ANO2: variants seen among roughly 807,000 people sequenced by gnomAD.
ANO2 encodes anoctamin-2.
In ANO2, 101 loss-of-function variants were observed where a neutral mutation model predicts 124.2. That is an observed-to-expected ratio of 0.81 (90% CI 0.69 to 0.96). ANO2 has a LOEUF of 0.96. Among genes scored for constraint, ANO2 ranks in the 40% least tolerant of loss-of-function variants. The pLI, the probability that ANO2 is intolerant of heterozygous loss-of-function variation, is 0.00. For missense variants in ANO2, 1,293 were observed against 1,274.5 expected (o/e 1.01, Z -0.22); for synonymous variants, 486 against 482.5 (o/e 1.01, Z -0.09).
At chr12:5,776,154 C>T (rs2159952) in intron 10 of ANO2, among the ~76,000 whole-genome samples, 69,051 of 152,028 alleles carry the variant, frequency 0.45, 17,361 homozygotes, top group African/African-American at 0.68. Context: ...ATTCTAGGAC[C>T]TACTTCTGAT....
At chr12:5,912,608 C>A (rs1209928825) in intron 3 of ANO2, among the ~76,000 whole-genome samples, 5 of 152,216 alleles carry the variant, frequency 3.3e-5, no homozygotes, top group African/African-American at 1.2e-4. Context: ...CCGGAGGCGT[C>A]CCCTCTGAGA....
chr12:5,795,043 G>A (rs1464798512), intron 10 of ANO2, among the ~76,000 whole-genome samples: 1 of 152,154 alleles, frequency 6.6e-6, no homozygotes, highest in Non-Finnish European at 1.5e-5. Flanking sequence ...AGTTCAGGAG[G>A]GTGGAAGCAG....
intron 4 of ANO2, chr12:5,836,640 T>C (rs1273430517): frequency 2.0e-5 from 3 of 153,092 alleles, no homozygotes; most frequent in Non-Finnish European, 4.4e-5. Context: ...CATATTGACC[T>C]TTCCGTGTAG....
chr12:5,732,907 A>T, intron 13 of ANO2: 1 of 1,613,906 alleles, frequency 6.2e-7, no homozygotes, highest in East Asian at 2.2e-5. Flanking sequence ...TGAGAAAAAG[A>T]GAGGAAATGT....
intron 19 of ANO2, among the ~76,000 whole-genome samples, chr12:5,605,255 G>A (rs1944160876): frequency 6.6e-6 from 1 of 152,092 alleles, no homozygotes; most frequent in Non-Finnish European, 1.5e-5. Context: ...CTGATTTATG[G>A]CCAGATTCCA....
chr12:5,930,967 C>G (rs1942342528), intron 1 of ANO2, among the ~76,000 whole-genome samples: 1 of 152,172 alleles, frequency 6.6e-6, no homozygotes. Flanking sequence ...CCCCCCTTTC[C>G]TGATGATGCC....
chr12:5,812,694 AAGAG>A (rs1565688433), intron 7 of ANO2, among the ~76,000 whole-genome samples: 1 of 138,564 alleles, frequency 7.2e-6, no homozygotes, highest in Non-Finnish European at 1.6e-5. Flanking sequence ...GAAAGAAAGA[AAGAG>A]AAAGAAAAGA....
At chr12:5,576,154 C>T (rs1033599560) in intron 22 of ANO2, 139 bp from the exon 23 acceptor site, 10 of 823,344 alleles carry the variant, frequency 1.2e-5, no homozygotes, top group African/African-American at 1.7e-5. Flanking sequence ...TGAGCTCATG[C>T]AGCTGAGTCA....
intron 7 of ANO2, among the ~76,000 whole-genome samples, chr12:5,826,114 T>G (rs1953945714): frequency 6.6e-6 from 1 of 152,384 alleles, no homozygotes; most frequent in South Asian, 2.1e-4. Flanking sequence ...ATAAGATTTA[T>G]TGACCTCATA....
chr12:5,827,262 C>T (rs889230896), intron 7 of ANO2, among the ~76,000 whole-genome samples: 1 of 152,088 alleles, frequency 6.6e-6, no homozygotes. Context: ...CAGATTCAGC[C>T]GGATATGGTG....
At chr12:5,712,153 C>T (rs1949841479) in intron 14 of ANO2, among the ~76,000 whole-genome samples, 1 of 152,150 alleles carries the variant, frequency 6.6e-6, no homozygotes. Flanking sequence ...TGCTTTAAAA[C>T]ATCTATAGTA....
At chr12:5,898,523 G>A (rs1394963525) in intron 3 of ANO2, among the ~76,000 whole-genome samples, 1 of 152,156 alleles carries the variant, frequency 6.6e-6, no homozygotes, top group African/African-American at 2.4e-5. Flanking sequence ...GGAAAATGTG[G>A]TACATTCAAA....
intron 7 of ANO2, among the ~76,000 whole-genome samples, chr12:5,813,386 C>A (rs17786352): frequency 2.6e-5 from 4 of 151,890 alleles, no homozygotes; most frequent in Non-Finnish European, 5.9e-5. Context: ...TCTAGAGTTC[C>A]TAAGAATCAC....
chr12:5,877,778 T>C (rs1328042940), intron 3 of ANO2, among the ~76,000 whole-genome samples: 2 of 152,174 alleles, frequency 1.3e-5, no homozygotes, highest in African/African-American at 4.8e-5. Flanking sequence ...TCTTCAGGCA[T>C]TAGTTAAATT....
chr12:5,716,328 C>G (rs34722772), intron 14 of ANO2, among the ~76,000 whole-genome samples: 10,016 of 152,214 alleles, frequency 0.066, 416 homozygotes, highest in Non-Finnish European at 0.079. Flanking sequence ...CACTCAAGCA[C>G]TGGAGGTGGG....
chr12:5,825,891 T>C (rs1953940683), intron 7 of ANO2, among the ~76,000 whole-genome samples: 3 of 152,172 alleles, frequency 2.0e-5, no homozygotes, highest in Admixed American at 2.0e-4. Context: ...AACCACGACC[T>C]GCTGAGGTGC....
intron 16 of ANO2, among the ~76,000 whole-genome samples, chr12:5,615,874 T>C (rs1944780056): frequency 6.6e-6 from 1 of 152,122 alleles, no homozygotes; most frequent in Non-Finnish European, 1.5e-5. Flanking sequence ...TTCCCAGTCA[T>C]ACACTCAAAT....
At chr12:5,666,391 G>A (rs1294805805) in intron 14 of ANO2, among the ~76,000 whole-genome samples, 2 of 152,192 alleles carry the variant, frequency 1.3e-5, no homozygotes, top group African/African-American at 2.4e-5. Context: ...CCCAAAGGGG[G>A]CCACCCTTGT....
At chr12:5,820,269 T>C (rs7964463) in intron 7 of ANO2, among the ~76,000 whole-genome samples, 1 of 151,926 alleles carries the variant, frequency 6.6e-6, no homozygotes, top group African/African-American at 2.4e-5. Context: ...TAACTGTGCA[T>C]TGGGGTAACT....
Sources: allele counts gnomAD v4.1 joint callset (sites outside exome capture counted in the v4.1 genomes callset), GRCh38; gene constraint gnomAD v4.1.1; transcripts MANE v1.5; gene names NCBI Gene and HGNC (gene_info 2026-07-23, HGNC 2026-07-21).